Variants in SHISA6 observed in about 807,000 individuals in gnomAD.
SHISA6 encodes the protein shisa family member 6.
SHISA6 carries 22 observed loss-of-function variants against 47.9 expected under a neutral mutation model. The observed-to-expected ratio is 0.46, with a 90% CI of 0.33 to 0.66. The LOEUF is 0.66. Among genes scored for constraint, SHISA6 ranks in the 30% least tolerant of loss-of-function variants. The pLI is 0.02. For missense variants in SHISA6, 680 were observed against 764.6 expected (o/e 0.89, Z 1.30); for synonymous variants, 388 against 337.8 (o/e 1.15, Z -1.63).
intron 1 of SHISA6, among the ~76,000 whole-genome samples, chr17:11,257,958 GATT>G (rs1908080021): frequency 1.3e-5 from 2 of 152,264 alleles, no homozygotes; most frequent in African/African-American, 4.8e-5. Flanking sequence ...GAGAACTAAA[GATT>G]AGACTGATGG....
intron 3 of SHISA6, among the ~76,000 whole-genome samples, chr17:11,491,264 G>A (rs1325859913): frequency 1.3e-5 from 2 of 152,140 alleles, no homozygotes; most frequent in Non-Finnish European, 2.9e-5. Context: ...CAGGGATTTT[G>A]CCAATAAGAG....
intron 3 of SHISA6, among the ~76,000 whole-genome samples, chr17:11,528,440 C>T (rs1238408486): frequency 1.3e-5 from 2 of 151,960 alleles, no homozygotes; most frequent in Admixed American, 6.6e-5. Context: ...GAGGCTAAAA[C>T]GTATATACAC....
chr17:11,516,540 G>T (rs2071587291), intron 3 of SHISA6, among the ~76,000 whole-genome samples: 1 of 152,178 alleles, frequency 6.6e-6, no homozygotes, highest in Non-Finnish European at 1.5e-5. Context: ...GGGGATCTCA[G>T]GGAGGAGGAC....
intron 2 of SHISA6, among the ~76,000 whole-genome samples, chr17:11,361,022 A>G (rs1448457340): frequency 7.5e-6 from 1 of 132,784 alleles, no homozygotes; most frequent in East Asian, 2.4e-4. Flanking sequence ...TCATTCCTTA[A>G]GTTTACTATG....
intron 3 of SHISA6, among the ~76,000 whole-genome samples, chr17:11,475,512 G>A (rs1916029872): frequency 6.6e-6 from 1 of 152,052 alleles, no homozygotes; most frequent in South Asian, 2.1e-4. Context: ...TTTGTCAAAT[G>A]CTTTTTCTGC....
intron 2 of SHISA6, among the ~76,000 whole-genome samples, chr17:11,287,569 G>A (rs1283405521): frequency 6.6e-6 from 1 of 151,142 alleles, no homozygotes; most frequent in Admixed American, 6.6e-5. Context: ...GCTGTTGGGA[G>A]GCTGAGGTAG....
At position 11,350,182 on chromosome 17, in the gene SHISA6, A is replaced by ATTTTTTTTTT. The variant is rs778331945; in HGVS notation, c.800-29226_800-29217dup. Among the ~76,000 whole-genome samples, 15 of 116,270 alleles carry ATTTTTTTTTT rather than the reference A, an allele frequency of 1.3e-4. No homozygotes were observed. In the East Asian group the frequency reaches 3.5e-3, roughly 27 times the overall value. The allele number at this position is 116,270 out of a possible 152,430, so 76.3% of individuals were successfully genotyped here. A position where few individuals can be genotyped will look rare whatever the true frequency, so the allele number is the denominator to read the frequency against. ...AATTTATTTATTTATTTATTTATTT[A>ATTTTTTTTTT]TTTTTTTTTTTTTTTGAGACGGAGT... On this transcript the variant is annotated intron_variant, in intron 2 of 5. Transcript: ENST00000441885.
chr17:11,449,304 G>C (rs1469256834), intron 3 of SHISA6, among the ~76,000 whole-genome samples: 2 of 152,070 alleles, frequency 1.3e-5, no homozygotes, highest in Non-Finnish European at 2.9e-5. Flanking sequence ...TTAGCTGGGC[G>C]TGGTAGCATG....
At chr17:11,414,105 C>T (rs1914213454) in intron 3 of SHISA6, among the ~76,000 whole-genome samples, 2 of 151,606 alleles carry the variant, frequency 1.3e-5, no homozygotes, top group Admixed American at 6.6e-5. Context: ...ATTGCTCCTC[C>T]TTTCCCTCCT....
At chr17:11,431,223 T>C (rs879236191) in intron 3 of SHISA6, among the ~76,000 whole-genome samples, 2 of 152,170 alleles carry the variant, frequency 1.3e-5, no homozygotes, top group Admixed American at 6.5e-5. Flanking sequence ...CCACTGAGGA[T>C]TGTACTTCCT....
intron 3 of SHISA6, among the ~76,000 whole-genome samples, chr17:11,538,627 A>T (rs985835207): frequency 6.6e-6 from 1 of 152,202 alleles, no homozygotes; most frequent in Non-Finnish European, 1.5e-5. Context: ...AGATGCTTTT[A>T]AAAAGCTGAT....
chr17:11,277,280 T>TCTCTCA (rs1386997909), intron 2 of SHISA6, among the ~76,000 whole-genome samples: 116 of 53,902 alleles, frequency 2.2e-3, no homozygotes, highest in Non-Finnish European at 2.7e-3. Flanking sequence ...TCTCTCTCTC[T>TCTCTCA]CACACACACA....
chr17:11,504,937 G>T (rs1256423499), intron 3 of SHISA6, among the ~76,000 whole-genome samples: 1 of 152,214 alleles, frequency 6.6e-6, no homozygotes, highest in African/African-American at 2.4e-5. Flanking sequence ...AAGATGTTCA[G>T]TCACTATGTG....
intron 3 of SHISA6, among the ~76,000 whole-genome samples, chr17:11,404,408 A>T (rs1478778632): frequency 6.6e-6 from 1 of 152,088 alleles, no homozygotes; most frequent in Non-Finnish European, 1.5e-5. Flanking sequence ...ATATCCCAAG[A>T]CTGTTTGTCT....
chr17:11,275,669 C>T (rs1356499812), intron 2 of SHISA6, among the ~76,000 whole-genome samples: 1 of 152,072 alleles, frequency 6.6e-6, no homozygotes, highest in African/African-American at 2.4e-5. Context: ...TGAGGAAGGA[C>T]CACTGAAGCC....
At chr17:11,302,514 G>A (rs1909964647) in intron 2 of SHISA6, among the ~76,000 whole-genome samples, 1 of 152,232 alleles carries the variant, frequency 6.6e-6, no homozygotes, top group African/African-American at 2.4e-5. Context: ...TGCAATAAGG[G>A]GATGGTACAT....
Position 11,417,518 on chromosome 17 carries a change from G to C in SHISA6, c.895+38009G>C, listed in dbSNP as rs75957014. ...GACAATCACAGTGGACATTCTCCAG[G>C]ACAGCGCTGGCCTTTTGGAGATCGG... On this transcript the variant is annotated intron_variant, in intron 3 of 5. Coordinates refer to ENST00000441885, the MANE Select transcript of SHISA6 (RefSeq NM_207386.4). 3.5e-3 allele frequency among the ~76,000 whole-genome samples: 531 copies of C among 152,322 alleles called. 23 individuals are homozygous for C. The East Asian group carries it at 0.092, about 26-fold the overall frequency.
chr17:11,546,107 T>G (rs990978617), intron 3 of SHISA6, among the ~76,000 whole-genome samples: 43 of 152,178 alleles, frequency 2.8e-4, no homozygotes, highest in Non-Finnish European at 5.6e-4. Flanking sequence ...GAAAATACAA[T>G]ATGCCCCGGT....
At chr17:11,438,392 A>C (rs1915000069) in intron 3 of SHISA6, among the ~76,000 whole-genome samples, 1 of 152,184 alleles carries the variant, frequency 6.6e-6, no homozygotes, top group Non-Finnish European at 1.5e-5. Flanking sequence ...GGAGCTAAGC[A>C]ACAGAAACTT....
Sources: allele counts gnomAD v4.1 joint callset (sites outside exome capture counted in the v4.1 genomes callset), GRCh38; gene constraint gnomAD v4.1.1; transcripts MANE v1.5; gene names NCBI Gene and HGNC (gene_info 2026-07-23, HGNC 2026-07-21).